The following MAGI2 variants were observed in gnomAD, a reference collection of about 807,000 sequenced individuals.
MAGI2 encodes membrane-associated guanylate kinase, WW and PDZ domain-containing protein 2.
A neutral mutation model predicts 133.3 loss-of-function variants in MAGI2; 35 were observed. That is an observed-to-expected ratio of 0.26 (90% CI 0.20 to 0.35). The LOEUF (loss-of-function observed/expected upper bound fraction) is 0.35, where lower values mean the gene tolerates loss of function less well. Among genes scored for constraint, MAGI2 ranks in the 10% least tolerant of loss-of-function variants. The pLI, the probability that MAGI2 is intolerant of heterozygous loss-of-function variation, is 1.00. For missense variants in MAGI2, 1,636 were observed against 1,863.4 expected (o/e 0.88, Z 2.25); for synonymous variants, 729 against 710.6 (o/e 1.03, Z -0.41).
chr7:78,540,144 C>G (rs1798290096), intron 3 of MAGI2, among the ~76,000 whole-genome samples: 1 of 152,076 alleles, frequency 6.6e-6, no homozygotes, highest in Non-Finnish European at 1.5e-5. Flanking sequence ...ATACAGCACC[C>G]AAAAGTTTAT....
At chr7:78,091,767 T>G (rs1817236758) in intron 20 of MAGI2, among the ~76,000 whole-genome samples, 2 of 152,184 alleles carry the variant, frequency 1.3e-5, no homozygotes, top group Admixed American at 1.3e-4. Flanking sequence ...ATAGTAGGAT[T>G]TTACTTGGTT....
At chr7:78,803,042 T>C (rs929114550) in intron 2 of MAGI2, among the ~76,000 whole-genome samples, 2 of 152,024 alleles carry the variant, frequency 1.3e-5, no homozygotes, top group Non-Finnish European at 2.9e-5. Flanking sequence ...TTAATGACCA[T>C]GAAGTGTCCA....
intron 3 of MAGI2, among the ~76,000 whole-genome samples, chr7:78,612,390 AT>A (rs1806544352): frequency 6.6e-6 from 1 of 152,160 alleles, no homozygotes; most frequent in Admixed American, 6.5e-5. Flanking sequence ...AAAACCACGA[AT>A]AAAGGGAATG....
intron 1 of MAGI2, among the ~76,000 whole-genome samples, chr7:79,024,478 C>T (rs995381909): frequency 6.6e-5 from 10 of 151,832 alleles, no homozygotes; most frequent in African/African-American, 1.9e-4. Context: ...CAAAAATTGA[C>T]AAATACAACT....
At chr7:78,693,584 A>C (rs182414151) in intron 2 of MAGI2, among the ~76,000 whole-genome samples, 2 of 152,306 alleles carry the variant, frequency 1.3e-5, no homozygotes, top group African/African-American at 4.8e-5. Context: ...TGCTAAATAC[A>C]AATGTTCAGA....
At chr7:78,129,067 T>C (rs542959058) in intron 18 of MAGI2, among the ~76,000 whole-genome samples, 1 of 152,368 alleles carries the variant, frequency 6.6e-6, no homozygotes, top group South Asian at 2.1e-4. Context: ...ATAGTCACTT[T>C]ATTTCCATGA....
chr7:78,453,780 GGGAGGCTTTCTTTAGTAATCT>G lies in MAGI2; in HGVS notation c.1045+35960_1045+35980del, dbSNP rs563439607. On this transcript the variant is annotated intron_variant, in intron 6 of 21. Transcript: ENST00000354212. ...TATCGCCATTTTATATTTGAGACCA[GGGAGGCTTTCTTTAGTAATCT>G]GGAAACACAAAAAATGTAATCCCTT... Among the ~76,000 whole-genome samples, 1,283 of 152,212 alleles carry G rather than the reference GGGAGGCTTTCTTTAGTAATCT, an allele frequency of 8.4e-3. 21 individuals carry two copies. The highest frequency in any genetic ancestry group is 0.028 in the African/African-American group (1,148 of 41,538).
At chr7:79,055,757 T>C (rs1035003278) in intron 1 of MAGI2, among the ~76,000 whole-genome samples, 8 of 152,236 alleles carry the variant, frequency 5.3e-5, no homozygotes, top group African/African-American at 1.9e-4. Context: ...TTTATTTTTC[T>C]GAGTTTTTGT....
intron 1 of MAGI2, among the ~76,000 whole-genome samples, chr7:79,300,739 A>T (rs745740662): frequency 6.6e-6 from 1 of 152,210 alleles, no homozygotes; most frequent in Non-Finnish European, 1.5e-5. Flanking sequence ...TAGCCAAGGC[A>T]ATGGGAAAAA....
chr7:79,371,268 G>A (rs1843032918), intron 1 of MAGI2, among the ~76,000 whole-genome samples: 1 of 151,874 alleles, frequency 6.6e-6, no homozygotes, highest in Non-Finnish European at 1.5e-5. Flanking sequence ...AAATAGAAAA[G>A]TACATTTAAG....
chr7:78,187,587 G>C (rs1827810078), intron 12 of MAGI2, among the ~76,000 whole-genome samples: 1 of 152,122 alleles, frequency 6.6e-6, no homozygotes, highest in Non-Finnish European at 1.5e-5. Context: ...CAAATAAAGA[G>C]CCAGTTGGCT....
At chr7:78,171,910 T>C (rs1288895976) in intron 14 of MAGI2, among the ~76,000 whole-genome samples, 3 of 147,172 alleles carry the variant, frequency 2.0e-5, no homozygotes, top group South Asian at 2.2e-4. Flanking sequence ...TGTTTTTTTT[T>C]CCCTATCCCC....
chr7:78,891,847 T>C (rs1458463370), intron 2 of MAGI2, among the ~76,000 whole-genome samples: 4 of 152,224 alleles, frequency 2.6e-5, no homozygotes, highest in South Asian at 2.1e-4. Context: ...CTCACCACTC[T>C]TATTCAACAT....
chr7:78,303,292 T>A (rs888964579), intron 9 of MAGI2, among the ~76,000 whole-genome samples: 1 of 147,140 alleles, frequency 6.8e-6, no homozygotes, highest in African/African-American at 2.5e-5. Flanking sequence ...GACAGGAGAA[T>A]CTCTCGAACC....
intron 10 of MAGI2, among the ~76,000 whole-genome samples, chr7:78,214,025 C>A (rs1425827982): frequency 6.6e-6 from 1 of 152,174 alleles, no homozygotes; most frequent in Non-Finnish European, 1.5e-5. Context: ...AAACGTGAGA[C>A]CTACTGCTCC....
chr7:78,384,323 G>A (rs1417203946), intron 6 of MAGI2, among the ~76,000 whole-genome samples: 2 of 152,108 alleles, frequency 1.3e-5, no homozygotes, highest in Non-Finnish European at 2.9e-5. Context: ...AGAGTGACAA[G>A]TCACAAGATC....
chr7:78,631,786 G>T (rs1809031185), intron 2 of MAGI2, among the ~76,000 whole-genome samples: 1 of 152,014 alleles, frequency 6.6e-6, no homozygotes, highest in African/African-American at 2.4e-5. Flanking sequence ...TTACTCTTTG[G>T]TTCAGATGAA....
intron 12 of MAGI2, 122 bp from the exon 13 acceptor site, chr7:78,185,792 CTT>C: frequency 1.6e-6 from 1 of 628,842 alleles, no homozygotes; most frequent in South Asian, 3.5e-5. Flanking sequence ...ATGTTTAAGA[CTT>C]TTTTTTTCCT....
chr7:78,751,978 C>G (rs1247262808), intron 2 of MAGI2, among the ~76,000 whole-genome samples: 1 of 152,152 alleles, frequency 6.6e-6, no homozygotes, highest in African/African-American at 2.4e-5. Context: ...GTGTCATAAC[C>G]CTTCAATCAA....
Sources: gnomAD v4.1 joint callset for allele counts (sites outside exome capture counted in the v4.1 genomes callset) on GRCh38, gnomAD v4.1.1 for gene constraint, MANE v1.5 for transcripts, NCBI Gene and HGNC (gene_info 2026-07-23, HGNC 2026-07-21) for gene names.